Variants in UGT1A3 observed in about 807,000 individuals in gnomAD.
UGT1A3 encodes the protein UDP-glucuronosyltransferase 1A3.
UGT1A3 carries 31 observed loss-of-function variants against 41.0 expected under a neutral mutation model. The ratio of observed to expected loss-of-function variants is 0.76; its 90% confidence interval spans 0.57 to 1.02. The LOEUF is 1.02. UGT1A3 is among the 50% of genes least tolerant of loss of function. UGT1A3 has a pLI of 0.00. For missense variants in UGT1A3, 737 were observed against 671.0 expected (o/e 1.10, Z -1.09); for synonymous variants, 262 against 257.6 (o/e 1.02, Z -0.17).
At chr2:233,758,273 A>C (rs575144774) in intron 1 of UGT1A3, among the ~76,000 whole-genome samples, 2 of 152,350 alleles carry the variant, frequency 1.3e-5, no homozygotes, top group South Asian at 4.1e-4. Context: ...TTCTTGGTCA[A>C]GGGCAGAGCT....
intron 1 of UGT1A3, among the ~76,000 whole-genome samples, chr2:233,737,198 G>A (rs2078851013): frequency 6.6e-6 from 1 of 152,216 alleles, no homozygotes; most frequent in Non-Finnish European, 1.5e-5. Flanking sequence ...TTGCTGAGCT[G>A]CGGTGGACTC....
At chr2:233,755,000 G>A (rs1457245121) in intron 1 of UGT1A3, 1 of 1,292,978 alleles carries the variant, frequency 7.7e-7, no homozygotes, top group Non-Finnish European at 1.0e-6. Flanking sequence ...GGAAGCTGAA[G>A]ACCTACTCGA....
At chr2:233,732,716 G>A (rs2078304565) in intron 1 of UGT1A3, among the ~76,000 whole-genome samples, 1 of 148,658 alleles carries the variant, frequency 6.7e-6, no homozygotes, top group Non-Finnish European at 1.5e-5. Flanking sequence ...TAGCCTTGTA[G>A]TACAGTTTGA....
chr2:233,746,471 A>T (rs538596800), intron 1 of UGT1A3, among the ~76,000 whole-genome samples: 1 of 151,696 alleles, frequency 6.6e-6, no homozygotes, highest in Non-Finnish European at 1.5e-5. Flanking sequence ...GGGTTCCAGA[A>T]ACACTTTCCA....
intron 1 of UGT1A3, chr2:233,755,386 C>T (rs879759511): frequency 8.4e-5 from 29 of 346,256 alleles, no homozygotes; most frequent in South Asian, 2.1e-4. Flanking sequence ...CCCCTTATGA[C>T]GCAGCCACAT....
At chr2:233,760,016 C>G (rs1456599640) in intron 1 of UGT1A3, among the ~76,000 whole-genome samples, 1 of 152,148 alleles carries the variant, frequency 6.6e-6, no homozygotes, top group African/African-American at 2.4e-5. Flanking sequence ...TTTAATGGAT[C>G]CTGAGGTTCT....
chr2:233,749,850 T>C (rs1468602836), intron 1 of UGT1A3, among the ~76,000 whole-genome samples: 1 of 151,948 alleles, frequency 6.6e-6, no homozygotes. Flanking sequence ...TCTTTGCCTC[T>C]CTCTCACTTT....
At position 233,767,903 on chromosome 2, in the gene UGT1A3, C is replaced by G. The variant is rs549391527; in HGVS notation, c.1054C>G (p.Leu352Val). 1.2e-6 allele frequency: 2 copies of G among 1,614,060 alleles called. No homozygotes were observed. Among genetic ancestry groups the G allele is most frequent in the African/African-American group, 1.3e-5 (1 of 74,904 alleles). ...RPSNLANNTILVKWLPQNDLL... is the reference protein window; with the variant it reads ...RPSNLANNTIVVKWLPQNDLL... ...ATCGAATCTTGCGAACAACACGATA[C>G]TTGTTAAGTGGCTACCCCAAAACGA... The change falls in exon 3 of 5, where the codon CTT becomes GTT. Residue 352 changes from leucine to valine, a missense_variant. By Grantham distance (32) the Leu-to-Val change is conservative. Coordinates refer to ENST00000482026, the MANE Select transcript of UGT1A3 (RefSeq NM_019093.4).
intron 1 of UGT1A3, chr2:233,747,117 G>C: frequency 6.9e-7 from 1 of 1,451,680 alleles, no homozygotes; most frequent in Non-Finnish European, 9.3e-7. Flanking sequence ...ATGATGATTT[G>C]CTAAGTGGCT....
intron 1 of UGT1A3, chr2:233,760,975 T>A: frequency 6.2e-7 from 1 of 1,614,220 alleles, no homozygotes; most frequent in Non-Finnish European, 8.5e-7. Context: ...TTATTCCCCG[T>A]ATGCAACCCT....
chr2:233,772,177 GTCT>G, intron 4 of UGT1A3, 82 bp from the exon 5 acceptor site: 1 of 1,583,018 alleles, frequency 6.3e-7, no homozygotes. Flanking sequence ...AAATCTGGTA[GTCT>G]TCTTAAGCAG....
At chr2:233,765,565 G>A (rs1156273508) in intron 1 of UGT1A3, among the ~76,000 whole-genome samples, 1 of 152,072 alleles carries the variant, frequency 6.6e-6, no homozygotes, top group Non-Finnish European at 1.5e-5. Context: ...GTGAGAATGC[G>A]TAGACGCAGG....
chr2:233,767,285 T>C (rs1440125583), intron 2 of UGT1A3, 120 bp downstream of exon 2: 1 of 1,569,258 alleles, frequency 6.4e-7, no homozygotes, highest in Non-Finnish European at 8.6e-7. Flanking sequence ...CCCTGCCACT[T>C]CCCAACTATT....
chr2:233,746,646 C>A (rs1278819744), intron 1 of UGT1A3, among the ~76,000 whole-genome samples: 2 of 151,736 alleles, frequency 1.3e-5, no homozygotes, highest in East Asian at 3.9e-4. Flanking sequence ...TCTAACTTGG[C>A]TTTCTGTCCC....
At chr2:233,741,761 G>T (rs1691766534) in intron 1 of UGT1A3, 3 of 151,840 alleles carry the variant, frequency 2.0e-5, no homozygotes, top group Admixed American at 6.5e-5. Flanking sequence ...TTAATGATGT[G>T]TTCAGGCCAT....
At chr2:233,761,103 G>A (rs371726341) in intron 1 of UGT1A3, 4 of 1,614,144 alleles carry the variant, frequency 2.5e-6, no homozygotes, top group Admixed American at 1.7e-5. Flanking sequence ...TGCCCAATAT[G>A]GTTTTTGTTG....
chr2:233,763,565 C>A (rs1354806563), intron 1 of UGT1A3, among the ~76,000 whole-genome samples: 1 of 152,164 alleles, frequency 6.6e-6, no homozygotes, highest in Admixed American at 6.5e-5. Context: ...AGTTACTGTT[C>A]TTATTTTCTC....
At position 233,768,395 on chromosome 2, in the gene UGT1A3, T is replaced by A; in HGVS notation, c.1263T>A (p.Ser421=). 1 of 1,614,130 alleles carries A rather than the reference T, an allele frequency of 6.2e-7. No individual in the cohort carries two copies. Among genetic ancestry groups the A allele is most frequent in the Non-Finnish European group, 8.5e-7 (1 of 1,180,032 alleles). Residue 421 remains serine, a synonymous_variant, in exon 4 of 5, where the codon TCT becomes TCA. Coordinates refer to ENST00000482026, the MANE Select transcript of UGT1A3 (RefSeq NM_019093.4). The part of the protein sequence containing the change: ...GVTLNVLEMT[S]EDLENALKAV... ...CCCTGAATGTTCTGGAAATGACTTC[T>A]GAAGATTTAGAAAATGCTCTAAAAG... is the stretch of plus-strand genomic sequence containing the variant.
intron 1 of UGT1A3, chr2:233,748,089 C>G (rs17863798): frequency 2.3e-5 from 37 of 1,612,724 alleles, no homozygotes; most frequent in Non-Finnish European, 2.8e-5. Flanking sequence ...GGTCGGTGTT[C>G]GTGCCTTCAT....
Sources: gnomAD v4.1 joint callset for allele counts (sites outside exome capture counted in the v4.1 genomes callset) on GRCh38, gnomAD v4.1.1 for gene constraint, MANE v1.5 for transcripts, NCBI Gene and HGNC (gene_info 2026-07-23, HGNC 2026-07-21) for gene names.